Variants in UACA observed in about 807,000 individuals in gnomAD.
UACA encodes uveal autoantigen with coiled-coil domains and ankyrin repeats, also known as nuclear membrane binding protein.
A neutral mutation model predicts 160.5 loss-of-function variants in UACA; 112 were observed. That is an observed-to-expected ratio of 0.70 (90% confidence interval 0.60 to 0.82). The LOEUF (loss-of-function observed/expected upper bound fraction) is 0.82, where lower values mean the gene tolerates loss of function less well. UACA is among the 40% of genes least tolerant of loss of function. The pLI is 0.00. For missense variants in UACA, 1,574 were observed against 1,614.6 expected, an observed-to-expected ratio of 0.97 and a Z score of 0.43; for synonymous variants, 557 against 568.4, an observed-to-expected ratio of 0.98 and a Z score of 0.29.
Position 70,667,936 on chromosome 15 carries a change from G to A in UACA, c.2748C>T (p.Asn916=), listed in dbSNP as rs1463306916. The A allele has an allele frequency of 1.9e-6, 3 of 1,612,676 alleles. No homozygotes were observed. Among genetic ancestry groups the A allele is most frequent in the Admixed American group, 3.3e-5 (2 of 59,762 alleles). The change falls in exon 16 of 19, where the codon AAC becomes AAT. Residue 916 remains asparagine, a synonymous_variant. Coordinates refer to ENST00000322954, the MANE Select transcript of UACA (RefSeq NM_018003.4). ...GGCTGATGTACTCAGCTTTTATTTG[G>A]TTCTGAGTGTTTTCCAGGTTTCTTT... ...ILKRNLENTQ[N]QIKAEYISLA... is the part of the protein sequence containing the mutation.
At chr15:70,739,020 G>T (rs777665760) in intron 1 of UACA, among the ~76,000 whole-genome samples, 3 of 152,170 alleles carry the variant, frequency 2.0e-5, no homozygotes, top group Non-Finnish European at 2.9e-5. Flanking sequence ...ACATTCTATT[G>T]TTCAAAGCAA....
Position 70,657,110 on chromosome 15 carries a change from A to G in UACA, c.4197T>C (p.Asp1399=), listed in dbSNP as rs1896499280. The G allele has an allele frequency of 6.2e-7, 1 of 1,614,040 alleles. No homozygotes were observed. Among genetic ancestry groups the G allele is most frequent in the Admixed American group, 1.7e-5 (1 of 60,006 alleles). ...TGATCTGGAGCAGAGCCTCCTGAAC[A>G]TCTTCATCCATGTGACCCTTCGGAG... is the stretch of plus-strand genomic sequence containing the variant. ...LSAAQGHMDE[D]VQEALLQIIQ... The change falls in exon 19 of 19, where the codon GAT becomes GAC. Residue 1399 remains aspartate (D), a synonymous_variant. Coordinates refer to ENST00000322954, the MANE Select transcript of UACA (RefSeq NM_018003.4).
intron 1 of UACA, among the ~76,000 whole-genome samples, chr15:70,716,099 T>C (rs2140983440): frequency 6.6e-6 from 1 of 152,326 alleles, no homozygotes; most frequent in East Asian, 1.9e-4. Flanking sequence ...AATCCTTGAA[T>C]CCGGCCTGGA....
chr15:70,743,025 A>G (rs535329925), intron 1 of UACA, among the ~76,000 whole-genome samples: 141 of 152,298 alleles, frequency 9.3e-4, no homozygotes, highest in African/African-American at 3.3e-3. Flanking sequence ...ATCTGCTTAC[A>G]GGCTCGTTTG....
chr15:70,770,481 T>TG, the UACA span, among the ~76,000 whole-genome samples: 1 of 152,232 alleles, frequency 6.6e-6, no homozygotes, highest in East Asian at 1.9e-4. Flanking sequence ...TTGATAATAA[T>TG]GAATCAGTGT....
At chr15:70,693,131 T>A (rs531137331) in intron 3 of UACA, among the ~76,000 whole-genome samples, 1 of 152,314 alleles carries the variant, frequency 6.6e-6, no homozygotes, top group South Asian at 2.1e-4. Flanking sequence ...AAGTAAGAGA[T>A]AGCATGGAGT....
At chr15:70,750,905 G>A (rs2030012534) in intron 1 of UACA, among the ~76,000 whole-genome samples, 1 of 152,180 alleles carries the variant, frequency 6.6e-6, no homozygotes, top group Non-Finnish European at 1.5e-5. Context: ...TTGCTTAATG[G>A]ATACAGAATT....
chr15:70,685,155 G>A (rs774127960), intron 7 of UACA, among the ~76,000 whole-genome samples: 2 of 152,010 alleles, frequency 1.3e-5, no homozygotes, highest in Admixed American at 6.6e-5. Context: ...TACAACTAAC[G>A]CCATGCAACA....
intron 1 of UACA, among the ~76,000 whole-genome samples, chr15:70,723,681 G>A (rs1465777315): frequency 6.7e-6 from 1 of 148,306 alleles, no homozygotes; most frequent in African/African-American, 2.5e-5. Flanking sequence ...CGCCCAGGCT[G>A]GAGTCCAGTG....
chr15:70,692,925 AACATAG>A (rs1897990963), intron 3 of UACA, among the ~76,000 whole-genome samples: 1 of 152,194 alleles, frequency 6.6e-6, no homozygotes, highest in African/African-American at 2.4e-5. Flanking sequence ...TGCAGAACAA[AACATAG>A]TGAGTCCAGG....
intron 1 of UACA, among the ~76,000 whole-genome samples, chr15:70,713,261 T>C (rs1393259550): frequency 2.0e-5 from 3 of 152,094 alleles, no homozygotes; most frequent in Non-Finnish European, 4.4e-5. Flanking sequence ...TGAGGCAGAA[T>C]GGCGCGAACC....
At chr15:70,741,813 C>T (rs1899546060) in intron 1 of UACA, among the ~76,000 whole-genome samples, 1 of 152,188 alleles carries the variant, frequency 6.6e-6, no homozygotes, top group Non-Finnish European at 1.5e-5. Context: ...GGTCCTCTTT[C>T]AGGAGTATCT....
intron 2 of UACA, among the ~76,000 whole-genome samples, chr15:70,699,088 A>G (rs1348971482): frequency 6.6e-6 from 1 of 152,204 alleles, no homozygotes; most frequent in Non-Finnish European, 1.5e-5. Flanking sequence ...GGGAGAAAAG[A>G]CAGGGTAATT....
intron 18 of UACA, among the ~76,000 whole-genome samples, chr15:70,659,124 T>C (rs1427972612): frequency 3.3e-5 from 5 of 152,074 alleles, no homozygotes; most frequent in Admixed American, 3.3e-4. Flanking sequence ...TCAATAATCT[T>C]CTCTAATAAT....
At chr15:70,679,789 C>T in intron 9 of UACA, 113 bp from the exon 10 acceptor site, 1 of 582,248 alleles carries the variant, frequency 1.7e-6, no homozygotes, top group South Asian at 2.2e-5. Flanking sequence ...CCAACATTAG[C>T]TGCACATAAC....
intron 18 of UACA, among the ~76,000 whole-genome samples, chr15:70,659,103 T>C (rs1896586522): frequency 6.6e-6 from 1 of 152,144 alleles, no homozygotes; most frequent in African/African-American, 2.4e-5. Flanking sequence ...GAACTTCCTA[T>C]TCACTGTCCC....
the UACA span, among the ~76,000 whole-genome samples, chr15:70,776,977 T>C: frequency 6.6e-6 from 1 of 152,138 alleles, no homozygotes; most frequent in African/African-American, 2.4e-5. Context: ...ATGTAGTGCC[T>C]AGCAGGGTAT....
intron 13 of UACA, among the ~76,000 whole-genome samples, chr15:70,674,892 C>T (rs939186771): frequency 1.3e-5 from 2 of 152,214 alleles, no homozygotes; most frequent in East Asian, 3.8e-4. Context: ...AGACACTGCG[C>T]CTGGCCTATA....
chr15:70,686,429 G>A (rs1020189355), intron 7 of UACA, among the ~76,000 whole-genome samples: 25 of 146,972 alleles, frequency 1.7e-4, no homozygotes, highest in African/African-American at 5.7e-4. Flanking sequence ...GAGAATTGAA[G>A]TCAATATAAA....
Sources: allele counts gnomAD v4.1 joint callset (sites outside exome capture counted in the v4.1 genomes callset), GRCh38; gene constraint gnomAD v4.1.1; transcripts MANE v1.5; gene names NCBI Gene and HGNC (gene_info 2026-07-23, HGNC 2026-07-21).